Variants in EEIG2 observed in about 807,000 individuals in gnomAD.
EEIG2 encodes the protein family with sequence similarity 102 member B.
At chr1:108,629,495 A>T in the EEIG2 span, 11 of 913,902 alleles carry the variant, frequency 1.2e-5, no homozygotes, top group South Asian at 2.0e-4. Context: ...TCTCTAATAA[A>T]CAATTGTAAA....
the EEIG2 span, among the ~76,000 whole-genome samples, chr1:108,574,841 T>C: frequency 2.0e-5 from 3 of 152,212 alleles, no homozygotes; most frequent in African/African-American, 7.2e-5. Context: ...CAAATGTTTA[T>C]TAGGCCAAAC....
the EEIG2 span, chr1:108,638,471 A>G: frequency 6.6e-5 from 10 of 152,222 alleles, no homozygotes; most frequent in Non-Finnish European, 4.4e-5. Flanking sequence ...ATTATTACCA[A>G]ATACTTCATT....
chr1:108,593,837 G>A, the EEIG2 span, among the ~76,000 whole-genome samples: 1 of 151,970 alleles, frequency 6.6e-6, no homozygotes, highest in African/African-American at 2.4e-5. Context: ...ATAAAGCCTC[G>A]CTCTGTTGCC....
chr1:108,612,117 AG>A, the EEIG2 span: 36 of 1,161,354 alleles, frequency 3.1e-5, no homozygotes, highest in African/African-American at 4.8e-4. Flanking sequence ...ATTTATTTTA[AG>A]GAGCATATGA....
the EEIG2 span, among the ~76,000 whole-genome samples, chr1:108,578,878 C>T: frequency 2.9e-5 from 4 of 139,032 alleles, no homozygotes; most frequent in African/African-American, 1.1e-4. Flanking sequence ...ACTTTACAGA[C>T]AAGCAAATGC....
the EEIG2 span, chr1:108,625,994 G>C: frequency 6.6e-6 from 1 of 152,190 alleles, no homozygotes; most frequent in Non-Finnish European, 1.5e-5. Flanking sequence ...TGATTGTCAA[G>C]TCCTGTGGAC....
chr1:108,560,702 A>C, the EEIG2 span: 1 of 1,070,242 alleles, frequency 9.3e-7, no homozygotes, highest in Non-Finnish European at 1.3e-6. Flanking sequence ...TGATCTGCAA[A>C]GTGCTTTGCA....
chr1:108,633,456 CTTTTT>C, the EEIG2 span, among the ~76,000 whole-genome samples: 4 of 152,038 alleles, frequency 2.6e-5, no homozygotes, highest in Non-Finnish European at 4.4e-5. Context: ...CCCAGCTTTT[CTTTTT>C]TAACTTTTTG....
At chr1:108,622,165 AAAAG>A in the EEIG2 span, among the ~76,000 whole-genome samples, 2 of 152,220 alleles carry the variant, frequency 1.3e-5, no homozygotes, top group African/African-American at 4.8e-5. Context: ...CAAAAAAGAA[AAAAG>A]AAAGGAGAAA....
At chr1:108,617,630 GAA>G in the EEIG2 span, among the ~76,000 whole-genome samples, 10 of 152,178 alleles carry the variant, frequency 6.6e-5, no homozygotes, top group African/African-American at 1.9e-4. Flanking sequence ...CATGAGACTT[GAA>G]TAAGTAACTA....
At chr1:108,625,822 G>GTGTGTGTGTGTT in the EEIG2 span, 20 of 31,700 alleles carry the variant, frequency 6.3e-4, no homozygotes, top group Admixed American at 8.7e-4. Flanking sequence ...GTGTGTGTGT[G>GTGTGTGTGTGTT]TGTGTGGAGA....
At chr1:108,560,415 G>T in the EEIG2 span, 3 of 1,580,606 alleles carry the variant, frequency 1.9e-6, no homozygotes, top group African/African-American at 1.5e-5. Context: ...GCTTGCAGGC[G>T]CCTGGCTCTC....
chr1:108,579,772 T>TGTGTGTGTGTGTGTGTGAGA, the EEIG2 span, among the ~76,000 whole-genome samples: 2 of 58,822 alleles, frequency 3.4e-5, no homozygotes, highest in African/African-American at 1.3e-4. Flanking sequence ...TGTGTGTGTG[T>TGTGTGTGTGTGTGTGTGAGA]GAGAGAGAGA....
the EEIG2 span, among the ~76,000 whole-genome samples, chr1:108,576,849 A>G: frequency 6.6e-6 from 1 of 152,154 alleles, no homozygotes; most frequent in Non-Finnish European, 1.5e-5. Flanking sequence ...ATTTCTAGTT[A>G]TAGATCCCTG....
At chr1:108,588,812 G>C in the EEIG2 span, among the ~76,000 whole-genome samples, 348 of 148,724 alleles carry the variant, frequency 2.3e-3, no homozygotes, top group African/African-American at 8.5e-3. Flanking sequence ...TGGTTTGTAA[G>C]GTTTGTAAAT....
the EEIG2 span, among the ~76,000 whole-genome samples, chr1:108,630,312 A>G: frequency 3.9e-5 from 6 of 152,190 alleles, no homozygotes; most frequent in Non-Finnish European, 8.8e-5. Flanking sequence ...ATTCTCAGCA[A>G]ACTATCGCAA....
At chr1:108,597,698 C>G in the EEIG2 span, among the ~76,000 whole-genome samples, 2 of 152,122 alleles carry the variant, frequency 1.3e-5, no homozygotes, top group African/African-American at 4.8e-5. Context: ...GTCTCTAGTT[C>G]TCTTTGTCCC....
the EEIG2 span, chr1:108,639,020 A>C: frequency 6.6e-6 from 1 of 152,220 alleles, no homozygotes; most frequent in Non-Finnish European, 1.5e-5. Flanking sequence ...TCCCATGGAG[A>C]AAAGACATCT....
the EEIG2 span, among the ~76,000 whole-genome samples, chr1:108,594,145 A>C: frequency 1.3e-5 from 2 of 152,028 alleles, no homozygotes; most frequent in Non-Finnish European, 2.9e-5. Context: ...GTACATGCAT[A>C]ATAGTTAAGT....
Sources: allele counts gnomAD v4.1 joint callset (sites outside exome capture counted in the v4.1 genomes callset), GRCh38; gene constraint gnomAD v4.1.1; transcripts MANE v1.5; gene names NCBI Gene and HGNC (gene_info 2026-07-23, HGNC 2026-07-21).